Variants in MYRIP observed in about 807,000 individuals in gnomAD.
MYRIP encodes the protein rab effector MyRIP.
In MYRIP, 49 loss-of-function variants were observed where a neutral mutation model predicts 98.0. That is an observed-to-expected ratio of 0.50 (90% confidence interval 0.40 to 0.63). MYRIP has a LOEUF of 0.63. Ranked by LOEUF, MYRIP falls within the 30% of genes least tolerant of loss-of-function variation. The pLI, the probability that MYRIP is intolerant of heterozygous loss-of-function variation, is 0.00. For missense variants in MYRIP, 1,004 were observed against 1,058.2 expected (o/e 0.95, Z 0.71); for synonymous variants, 404 against 409.5 (o/e 0.99, Z 0.16).
intron 1 of MYRIP, among the ~76,000 whole-genome samples, chr3:39,813,950 T>C (rs1308146467): frequency 1.3e-5 from 2 of 152,276 alleles, no homozygotes; most frequent in Admixed American, 6.5e-5. Flanking sequence ...ATAACATATA[T>C]TGATCATTGT....
At chr3:39,966,839 G>A (rs1358975173) in intron 2 of MYRIP, among the ~76,000 whole-genome samples, 1 of 152,154 alleles carries the variant, frequency 6.6e-6, no homozygotes, top group African/African-American at 2.4e-5. Flanking sequence ...TTTCCAAATG[G>A]CTGAACCCAC....
chr3:40,185,320 C>A (rs1951001636), intron 9 of MYRIP, among the ~76,000 whole-genome samples: 1 of 152,106 alleles, frequency 6.6e-6, no homozygotes. Context: ...ACTTTATAAA[C>A]CTTGATTAGG....
At chr3:40,198,196 G>C (rs926237260) in intron 10 of MYRIP, among the ~76,000 whole-genome samples, 5 of 148,370 alleles carry the variant, frequency 3.4e-5, no homozygotes, top group African/African-American at 1.2e-4. Context: ...TTTCAAAGTA[G>C]CTATAAAACA....
At chr3:40,021,728 C>G (rs1187016212) in intron 2 of MYRIP, among the ~76,000 whole-genome samples, 4 of 152,180 alleles carry the variant, frequency 2.6e-5, no homozygotes, top group Non-Finnish European at 5.9e-5. Context: ...AGTGCTTGTA[C>G]TCAGCCAAAG....
chr3:39,892,127 C>T (rs1476571299), intron 1 of MYRIP, among the ~76,000 whole-genome samples: 1 of 151,978 alleles, frequency 6.6e-6, no homozygotes, highest in Non-Finnish European at 1.5e-5. Context: ...CTTTAATCTG[C>T]TTTACATGTG....
intron 3 of MYRIP, among the ~76,000 whole-genome samples, chr3:40,141,244 G>A (rs1261212002): frequency 6.6e-6 from 1 of 152,168 alleles, no homozygotes. Flanking sequence ...CCAGTCATTT[G>A]TATGTCTTCT....
chr3:39,842,125 G>A (rs1941821528), intron 1 of MYRIP, among the ~76,000 whole-genome samples: 1 of 152,198 alleles, frequency 6.6e-6, no homozygotes. Flanking sequence ...CCTAACTGGG[G>A]CTGCTGCCTT....
chr3:40,226,321 C>G (rs898352972), intron 11 of MYRIP, among the ~76,000 whole-genome samples: 1 of 152,164 alleles, frequency 6.6e-6, no homozygotes, highest in African/African-American at 2.4e-5. Context: ...GATCACCCAG[C>G]TGGAAAGCAC....
chr3:40,256,413 T>A (rs1357253620), intron 16 of MYRIP, among the ~76,000 whole-genome samples: 1 of 152,192 alleles, frequency 6.6e-6, no homozygotes, highest in African/African-American at 2.4e-5. Context: ...TTTATAATAT[T>A]AAATATTTTG....
At chr3:40,191,314 C>T (rs994975559) in intron 10 of MYRIP, among the ~76,000 whole-genome samples, 3 of 152,176 alleles carry the variant, frequency 2.0e-5, no homozygotes, top group Admixed American at 6.5e-5. Flanking sequence ...TCTCTAAATA[C>T]ACCCTGCTCA....
chr3:40,007,102 G>T (rs1946651913), intron 2 of MYRIP, among the ~76,000 whole-genome samples: 1 of 152,202 alleles, frequency 6.6e-6, no homozygotes, highest in Admixed American at 6.5e-5. Context: ...AACTGATATT[G>T]GTTTAGTCTT....
chr3:39,910,567 T>C (rs1351365645), intron 2 of MYRIP, among the ~76,000 whole-genome samples: 1 of 152,218 alleles, frequency 6.6e-6, no homozygotes, highest in Non-Finnish European at 1.5e-5. Context: ...AATTGGGGTG[T>C]AGTCTAAGTG....
At chr3:40,232,778 C>T (rs1368646577) in intron 11 of MYRIP, 1 of 152,200 alleles carries the variant, frequency 6.6e-6, no homozygotes, top group African/African-American at 2.4e-5. Flanking sequence ...TGGCCCAAAT[C>T]CGGGTTGATT....
intron 3 of MYRIP, among the ~76,000 whole-genome samples, chr3:40,081,051 A>T (rs1206900969): frequency 1.3e-5 from 2 of 151,820 alleles, no homozygotes; most frequent in African/African-American, 4.8e-5. Flanking sequence ...GGTTTTTCTA[A>T]TTGTCTTTTT....
At chr3:40,192,919 C>A (rs1002969786) in intron 10 of MYRIP, among the ~76,000 whole-genome samples, 3 of 152,070 alleles carry the variant, frequency 2.0e-5, no homozygotes, top group East Asian at 1.9e-4. Flanking sequence ...ATAGAAAATG[C>A]AGAATAAGCT....
intron 1 of MYRIP, among the ~76,000 whole-genome samples, chr3:39,816,992 G>A (rs1012363326): frequency 6.6e-6 from 1 of 152,156 alleles, no homozygotes; most frequent in Non-Finnish European, 1.5e-5. Context: ...GGTCCCCATT[G>A]TGATGTCTTA....
rs541590697 is a variant in MYRIP, at chr3:40,158,750, A to G, written c.470-3980A>G. Among the ~76,000 whole-genome samples, 7 of 150,446 alleles carry G rather than the reference A, an allele frequency of 4.7e-5. No individual in the cohort carries two copies. The South Asian group carries it at 1.3e-3, about 27-fold the overall frequency. ...GAATTGATCCCTTTACCATTATGTA[A>G]TGGCCTTCTTTGTCTCTTTTGATCT... is the stretch of plus-strand genomic sequence containing the variant. On this transcript the variant is annotated intron_variant, in intron 4 of 16. Transcript: ENST00000302541.
chr3:39,841,499 G>A (rs1344810543), intron 1 of MYRIP, among the ~76,000 whole-genome samples: 2 of 152,028 alleles, frequency 1.3e-5, no homozygotes, highest in African/African-American at 2.4e-5. Context: ...TCCCTTGCTG[G>A]CGAGGAGTTG....
chr3:40,008,282 C>T (rs1946679040), intron 2 of MYRIP, among the ~76,000 whole-genome samples: 1 of 152,038 alleles, frequency 6.6e-6, no homozygotes. Flanking sequence ...TTTAAACAAG[C>T]AAAGGACAGA....
Sources: allele counts gnomAD v4.1 joint callset (sites outside exome capture counted in the v4.1 genomes callset), GRCh38; gene constraint gnomAD v4.1.1; transcripts MANE v1.5; gene names NCBI Gene and HGNC (gene_info 2026-07-23, HGNC 2026-07-21).